The following ANKFN1 variants were observed in gnomAD, a reference collection of about 807,000 sequenced individuals.
ANKFN1 encodes ankyrin repeat and fibronectin type III domain containing 1.
In ANKFN1, 74 loss-of-function variants were observed where a neutral mutation model predicts 108.7. That is an observed-to-expected ratio of 0.68 (90% CI 0.56 to 0.83). The LOEUF (loss-of-function observed/expected upper bound fraction) is 0.83, where lower values mean the gene tolerates loss of function less well. Among genes scored for constraint, ANKFN1 ranks in the 40% least tolerant of loss-of-function variants. The pLI is 0.00. For synonymous variants in ANKFN1, 547 were observed against 516.2 expected, an observed-to-expected ratio of 1.06 and a Z score of -0.81; for missense variants, 1,505 against 1,382.3, an observed-to-expected ratio of 1.09 and a Z score of -1.41.
chr17:56,445,789 T>C (rs1453806997), intron 10 of ANKFN1, among the ~76,000 whole-genome samples: 1 of 152,152 alleles, frequency 6.6e-6, no homozygotes, highest in Non-Finnish European at 1.5e-5. Flanking sequence ...GTATGGTACA[T>C]AGTAAGAGAA....
intron 20 of ANKFN1, among the ~76,000 whole-genome samples, chr17:56,502,400 A>G (rs1444721228): frequency 6.6e-6 from 1 of 152,228 alleles, no homozygotes; most frequent in African/African-American, 2.4e-5. Context: ...AATGTGAGCG[A>G]TCATCATTCT....
rs73313496 is a variant in ANKFN1 at position 56,515,120 on chromosome 17, G to T, written c.*3851G>T. ...GGTATGTCTGCAACGCATTTAAGTT[G>T]CCTAGTTATGTCAACAAGACACAGA... is the stretch of plus-strand genomic sequence containing the variant. On this transcript the variant is annotated 3_prime_UTR_variant, in exon 21 of 21. Coordinates refer to ENST00000682825, the MANE Select transcript of ANKFN1 (RefSeq NM_001370326.1). Among the ~76,000 whole-genome samples the T allele has an allele frequency of 0.029, 4,439 of 152,018 alleles. 230 individuals carry two copies. Among genetic ancestry groups the T allele is most frequent in the African/African-American group, 0.1 (4,152 of 41,440 alleles).
chr17:56,401,488 C>T (rs1370037941), intron 8 of ANKFN1, among the ~76,000 whole-genome samples: 1 of 151,868 alleles, frequency 6.6e-6, no homozygotes, highest in Non-Finnish European at 1.5e-5. Context: ...ATCTGCTTGG[C>T]TGCTGTTGGT....
intron 8 of ANKFN1, among the ~76,000 whole-genome samples, chr17:56,402,890 C>T (rs115474734): frequency 0.011 from 1,730 of 152,032 alleles, 39 homozygotes; most frequent in African/African-American, 0.04. Context: ...CCAGAGGTTT[C>T]GGTAGGTTGT....
At chr17:56,418,779 C>T (rs576343386) in intron 8 of ANKFN1, among the ~76,000 whole-genome samples, 1 of 149,888 alleles carries the variant, frequency 6.7e-6, no homozygotes, top group African/African-American at 2.5e-5. Flanking sequence ...ATTTCCCCTA[C>T]AGCATACTAC....
intron 8 of ANKFN1, among the ~76,000 whole-genome samples, chr17:56,384,915 A>G (rs902967246): frequency 2.6e-4 from 40 of 151,886 alleles, no homozygotes; most frequent in South Asian, 2.1e-3. Flanking sequence ...TATAGATTCA[A>G]TGCCATCCCC....
At chr17:56,383,591 A>G (rs1042435504) in intron 8 of ANKFN1, among the ~76,000 whole-genome samples, 1 of 152,238 alleles carries the variant, frequency 6.6e-6, no homozygotes, top group Non-Finnish European at 1.5e-5. Context: ...AGCAAGACTA[A>G]TAAAGAAGAG....
chr17:56,303,741 G>A (rs1369752253), intron 3 of ANKFN1, among the ~76,000 whole-genome samples: 1 of 152,012 alleles, frequency 6.6e-6, no homozygotes, highest in Non-Finnish European at 1.5e-5. Context: ...CTGGAGTGCA[G>A]TGGCACAATC....
At chr17:56,162,123 C>T (rs1909713263) in intron 1 of ANKFN1, among the ~76,000 whole-genome samples, 1 of 152,162 alleles carries the variant, frequency 6.6e-6, no homozygotes, top group African/African-American at 2.4e-5. Flanking sequence ...TATTTAGAGT[C>T]TCACCAAGAA....
Position 56,222,185 on chromosome 17 carries a change from C to G in ANKFN1, c.13-5732C>G, listed in dbSNP as rs538599453. 2.6e-5 allele frequency among the ~76,000 whole-genome samples: 4 copies of G among 152,256 alleles called. No homozygotes were observed. The South Asian group carries it at 8.3e-4, about 32-fold the overall frequency. The stretch of plus-strand genomic sequence containing the variant: ...TTTTGTGTAACACGAAGAGACTTGC[C>G]ACGCTCTGCACTTGCCTGGAGGATC... On this transcript the variant is annotated intron_variant, in intron 2 of 20. Transcript: ENST00000682825.
At chr17:56,201,621 C>T (rs989561163) in intron 1 of ANKFN1, among the ~76,000 whole-genome samples, 30 of 151,242 alleles carry the variant, frequency 2.0e-4, no homozygotes, top group African/African-American at 7.3e-4. Context: ...AAAGATTTGC[C>T]ACAAGAGTTA....
chr17:56,447,599 G>A (rs1489982862), intron 10 of ANKFN1, among the ~76,000 whole-genome samples: 1 of 152,198 alleles, frequency 6.6e-6, no homozygotes, highest in Non-Finnish European at 1.5e-5. Context: ...ATGGGGGAGG[G>A]TGGAAAGGAA....
intron 3 of ANKFN1, among the ~76,000 whole-genome samples, chr17:56,248,618 G>C (rs1285159777): frequency 6.6e-6 from 1 of 152,170 alleles, no homozygotes; most frequent in Non-Finnish European, 1.5e-5. Flanking sequence ...TGCAGTGTGA[G>C]TAGAGGATCT....
chr17:56,055,502 A>G (rs969407914), intron 4 of ANKFN1, among the ~76,000 whole-genome samples: 10 of 127,924 alleles, frequency 7.8e-5, no homozygotes, highest in Non-Finnish European at 1.5e-4. Flanking sequence ...GTGTGTGTGT[A>G]TGTATGTCTG....
At chr17:56,242,218 T>A (rs1396213149) in intron 3 of ANKFN1, among the ~76,000 whole-genome samples, 1 of 152,136 alleles carries the variant, frequency 6.6e-6, no homozygotes, top group Non-Finnish European at 1.5e-5. Flanking sequence ...CTTGTGTGAC[T>A]TTTAAGATTG....
At chr17:56,070,283 A>G (rs1488848178) in intron 4 of ANKFN1, among the ~76,000 whole-genome samples, 1 of 152,188 alleles carries the variant, frequency 6.6e-6, no homozygotes, top group Admixed American at 6.5e-5. Flanking sequence ...AGAAGGCTCT[A>G]GAGGAGAATT....
intron 4 of ANKFN1, among the ~76,000 whole-genome samples, chr17:56,139,192 G>T (rs766838253): frequency 5.9e-5 from 9 of 151,950 alleles, no homozygotes; most frequent in Non-Finnish European, 1.3e-4. Context: ...TGATTAAATT[G>T]TAGGCTAAAA....
chr17:56,466,951 A>G (rs1297141054), intron 15 of ANKFN1, among the ~76,000 whole-genome samples: 1 of 152,000 alleles, frequency 6.6e-6, no homozygotes, highest in Non-Finnish European at 1.5e-5. Flanking sequence ...CTAAAAATAC[A>G]AAAAAATAAA....
chr17:56,385,798 A>G (rs1443213314), intron 8 of ANKFN1, among the ~76,000 whole-genome samples: 1 of 152,162 alleles, frequency 6.6e-6, no homozygotes, highest in Non-Finnish European at 1.5e-5. Flanking sequence ...TTAGAATGGC[A>G]ATCATTAAAA....
Sources: allele counts gnomAD v4.1 joint callset (sites outside exome capture counted in the v4.1 genomes callset), GRCh38; gene constraint gnomAD v4.1.1; transcripts MANE v1.5; gene names NCBI Gene and HGNC (gene_info 2026-07-23, HGNC 2026-07-21).